The following ASIC2 variants were observed in gnomAD, a reference collection of about 807,000 sequenced individuals.
The protein encoded by ASIC2 is acid-sensing ion channel 2.
In ASIC2, 25 loss-of-function variants were observed where a neutral mutation model predicts 57.3. The observed-to-expected ratio is 0.44, with a 90% CI of 0.32 to 0.61. The LOEUF is 0.61. Among genes scored for constraint, ASIC2 ranks in the 20% least tolerant of loss-of-function variants. The pLI is 0.06. For synonymous variants in ASIC2, 319 were observed against 307.5 expected, an observed-to-expected ratio of 1.04 and a Z score of -0.39; for missense variants, 641 against 738.1, an observed-to-expected ratio of 0.87 and a Z score of 1.52.
At chr17:33,356,720 C>T (rs1035311042) in intron 1 of ASIC2, among the ~76,000 whole-genome samples, 7 of 152,114 alleles carry the variant, frequency 4.6e-5, no homozygotes, top group African/African-American at 1.2e-4. Flanking sequence ...TTGGATGGAG[C>T]GCCTCAGTCC....
At chr17:33,524,359 C>T (rs1174969122) in intron 1 of ASIC2, among the ~76,000 whole-genome samples, 1 of 152,222 alleles carries the variant, frequency 6.6e-6, no homozygotes, top group African/African-American at 2.4e-5. Context: ...GAGAGATTGG[C>T]TGACTTGCCC....
intron 1 of ASIC2, among the ~76,000 whole-genome samples, chr17:33,714,583 T>C (rs992083607): frequency 6.6e-6 from 1 of 152,194 alleles, no homozygotes; most frequent in Non-Finnish European, 1.5e-5. Context: ...CATGTATATG[T>C]GGCAGTAAAA....
intron 1 of ASIC2, among the ~76,000 whole-genome samples, chr17:33,269,310 C>T (rs572981630): frequency 6.6e-6 from 1 of 152,284 alleles, no homozygotes; most frequent in Admixed American, 6.5e-5. Context: ...GACCTAGAAC[C>T]CCTGGGAGAC....
intron 1 of ASIC2, among the ~76,000 whole-genome samples, chr17:33,269,751 T>TTCCTTCCTTCCTTCCTTCCTTCCTTCC (rs1904404897): frequency 2.2e-4 from 23 of 103,030 alleles, no homozygotes; most frequent in African/African-American, 8.0e-4. Flanking sequence ...TCCTTCCTTC[T>TTCCTTCCTTCCTTCCTTCCTTCCTTCC]TTCCTTCCTT....
intron 1 of ASIC2, among the ~76,000 whole-genome samples, chr17:33,375,839 A>G (rs1220035078): frequency 6.6e-6 from 1 of 152,166 alleles, no homozygotes; most frequent in Non-Finnish European, 1.5e-5. Context: ...TGAGTAACTG[A>G]AAGTGCTCAG....
chr17:33,083,975 T>C (rs557903580), intron 3 of ASIC2, among the ~76,000 whole-genome samples: 143 of 152,250 alleles, frequency 9.4e-4, no homozygotes, highest in African/African-American at 3.3e-3. Context: ...CCACCCCAGC[T>C]CCTGCTTCTC....
At chr17:34,056,296 G>A (rs910340411) in intron 1 of ASIC2, among the ~76,000 whole-genome samples, 1 of 152,200 alleles carries the variant, frequency 6.6e-6, no homozygotes, top group Non-Finnish European at 1.5e-5. Flanking sequence ...TTGGGAAAGA[G>A]GCTGACCCAC....
At chr17:33,302,913 G>T (rs1906016904) in intron 1 of ASIC2, among the ~76,000 whole-genome samples, 1 of 152,214 alleles carries the variant, frequency 6.6e-6, no homozygotes, top group Non-Finnish European at 1.5e-5. Flanking sequence ...TACAGATGAG[G>T]ACACAGAAGC....
intron 1 of ASIC2, among the ~76,000 whole-genome samples, chr17:33,143,221 T>C (rs886256255): frequency 2.0e-5 from 3 of 152,196 alleles, no homozygotes; most frequent in Non-Finnish European, 2.9e-5. Flanking sequence ...TGTAGATATC[T>C]TGACATGTAG....
intron 1 of ASIC2, among the ~76,000 whole-genome samples, chr17:33,131,270 T>G (rs1567756426): frequency 6.6e-6 from 1 of 152,174 alleles, no homozygotes; most frequent in Non-Finnish European, 1.5e-5. Context: ...GAAAAAAATC[T>G]ACATAGACCC....
intron 1 of ASIC2, among the ~76,000 whole-genome samples, chr17:33,929,969 C>T (rs574906820): frequency 2.6e-5 from 4 of 152,314 alleles, no homozygotes; most frequent in South Asian, 2.1e-4. Flanking sequence ...TGGTGGTGGG[C>T]GTCATGGCTA....
intron 1 of ASIC2, among the ~76,000 whole-genome samples, chr17:33,419,803 A>T (rs1352535141): frequency 6.6e-6 from 1 of 152,208 alleles, no homozygotes; most frequent in African/African-American, 2.4e-5. Context: ...GGACTAACAT[A>T]CAAACTTGAA....
chr17:33,255,028 CT>C (rs1173076413), intron 1 of ASIC2, among the ~76,000 whole-genome samples: 5,637 of 74,230 alleles, frequency 0.076, 32 homozygotes, highest in Middle Eastern at 0.12. Flanking sequence ...AGAAAGAAAT[CT>C]TTTTTTTTTT....
At chr17:33,267,478 G>A (rs751941088) in intron 1 of ASIC2, among the ~76,000 whole-genome samples, 2 of 152,134 alleles carry the variant, frequency 1.3e-5, no homozygotes, top group African/African-American at 2.4e-5. Context: ...ACACACTCTC[G>A]AGGATCATTA....
chr17:33,775,146 C>T (rs73984607), intron 1 of ASIC2, among the ~76,000 whole-genome samples: 12,275 of 152,266 alleles, frequency 0.081, 567 homozygotes, highest in East Asian at 0.22. Context: ...TTCTGAAGAA[C>T]AGGGAGGGTT....
At chr17:34,115,614 G>A (rs1197875587) in intron 1 of ASIC2, among the ~76,000 whole-genome samples, 1 of 152,092 alleles carries the variant, frequency 6.6e-6, no homozygotes, top group African/African-American at 2.4e-5. Flanking sequence ...TTCTTGTGTG[G>A]CTTGGAGCTG....
chr17:33,367,335 G>A (rs1908850667), intron 1 of ASIC2, among the ~76,000 whole-genome samples: 1 of 152,240 alleles, frequency 6.6e-6, no homozygotes, highest in African/African-American at 2.4e-5. Flanking sequence ...GAACTCTGGT[G>A]TAGGGAAGAC....
intron 1 of ASIC2, among the ~76,000 whole-genome samples, chr17:33,564,425 G>T (rs12940670): frequency 0.53 from 81,124 of 152,116 alleles, 23,037 homozygotes; most frequent in African/African-American, 0.74. Flanking sequence ...TAATCCCAGA[G>T]ATTAGGATCT....
chr17:33,830,982 C>G (rs922789417), intron 1 of ASIC2, among the ~76,000 whole-genome samples: 4 of 151,324 alleles, frequency 2.6e-5, no homozygotes, highest in African/African-American at 9.7e-5. Flanking sequence ...TGATGGCATG[C>G]ACCTGTAATC....
Sources: gnomAD v4.1 joint callset for allele counts (sites outside exome capture counted in the v4.1 genomes callset) on GRCh38, gnomAD v4.1.1 for gene constraint, MANE v1.5 for transcripts, NCBI Gene and HGNC (gene_info 2026-07-23, HGNC 2026-07-21) for gene names.